WDR35: variants seen among roughly 807,000 people sequenced by gnomAD.
WDR35 encodes the protein WD repeat-containing protein 35.
In WDR35, 118 loss-of-function variants were observed where a neutral mutation model predicts 158.3. The ratio of observed to expected loss-of-function variants is 0.75; its 90% confidence interval spans 0.64 to 0.87. The LOEUF (loss-of-function observed/expected upper bound fraction) is 0.87, where lower values mean the gene tolerates loss of function less well. Ranked by LOEUF, WDR35 falls within the 40% of genes least tolerant of loss-of-function variation. The pLI is 0.00. For synonymous variants in WDR35, 448 were observed against 476.1 expected (o/e 0.94, Z 0.77); for missense variants, 1,263 against 1,405.8 (o/e 0.90, Z 1.62).
chr2:19,990,005 T>C lies in WDR35; in HGVS notation c.11A>G (p.Tyr4Cys), dbSNP rs1282372280. 4.3e-6 allele frequency: 7 copies of C among 1,613,984 alleles called. No individual in the cohort carries two copies. The highest frequency in any genetic ancestry group is 3.3e-5 in the Admixed American group (2 of 60,000). The change falls in exon 1 of 27, where the codon TAC (tyrosine) becomes TGC (cysteine). Residue 4 changes from tyrosine (Y) to cysteine (C), a missense_variant. Tyr to Cys is a radical substitution (Grantham distance 194). Transcript: ENST00000281405. MFF[Y>C]LSKKISIPNN... ...CAGGAAACTCACTTTCTTGCTCAGG[T>C]AGAAGAACATCGTGGGATCCCCGAG...
At chr2:19,972,213 C>A (rs570400964) in intron 8 of WDR35, among the ~76,000 whole-genome samples, 3 of 152,306 alleles carry the variant, frequency 2.0e-5, no homozygotes, top group Non-Finnish European at 2.9e-5. Context: ...AACACAGATC[C>A]AAATAATTCC....
At chr2:19,974,091 C>G (rs1014999303) in intron 7 of WDR35, among the ~76,000 whole-genome samples, 2 of 150,974 alleles carry the variant, frequency 1.3e-5, no homozygotes, top group African/African-American at 2.4e-5. Flanking sequence ...GAGCAAGACC[C>G]TGTCGCAAAA....
chr2:19,928,633 C>A (rs1036175383), intron 25 of WDR35, among the ~76,000 whole-genome samples: 3 of 151,846 alleles, frequency 2.0e-5, no homozygotes, highest in Non-Finnish European at 4.4e-5. Context: ...AAGCATGATT[C>A]CTAAGAGAAA....
In WDR35 at chr2:19,988,598, A is replaced by C. The variant is rs569857653; in HGVS notation, c.142+567T>G. 3.9e-5 allele frequency among the ~76,000 whole-genome samples: 6 copies of C among 152,316 alleles called. No individual in the cohort carries two copies. The South Asian group carries it at 1.2e-3, about 32-fold the overall frequency. ...TCAGTAGTCTTGTGGAAGAGCTGAG[A>C]TTTAACTCCAATTACCTTATCTAGG... On this transcript the variant is annotated intron_variant, in intron 2 of 26. Transcript: ENST00000281405.
At chr2:19,956,618 C>CTTTT (rs34318252) in intron 11 of WDR35, among the ~76,000 whole-genome samples, 1 of 129,408 alleles carries the variant, frequency 7.7e-6, no homozygotes, top group South Asian at 2.5e-4. Flanking sequence ...CTTAATAATA[C>CTTTT]TTTTTTTTTT....
chr2:19,980,088 A>T (rs1340844006), intron 4 of WDR35, among the ~76,000 whole-genome samples: 1 of 152,202 alleles, frequency 6.6e-6, no homozygotes, highest in African/African-American at 2.4e-5. Flanking sequence ...CTGTATCCAT[A>T]AAAGAAAAGG....
chr2:19,957,950 A>G (rs1254153533), intron 11 of WDR35, among the ~76,000 whole-genome samples: 1 of 152,256 alleles, frequency 6.6e-6, no homozygotes, highest in African/African-American at 2.4e-5. Context: ...ATGTAAAATA[A>G]TTTAAAACAA....
Position 19,951,493 on chromosome 2 carries a change from AAGATC to A in WDR35, c.1401-14_1401-10del. On this transcript the variant is annotated splice_polypyrimidine_tract_variant and intron_variant, in intron 12 of 26. Coordinates refer to ENST00000281405, the MANE Select transcript of WDR35 (RefSeq NM_020779.4). Reference sequence around the variant, plus strand: ...CATCAACATGATAAATTCTGCAAAAAAGATCAGAATTTCAAAGAAAGTTTAAGTAT... The same window carrying A: ...CATCAACATGATAAATTCTGCAAAAAAGAATTTCAAAGAAAGTTTAAGTAT... 1.2e-6 allele frequency: 2 copies of A among 1,606,490 alleles called. No individual in the cohort carries two copies. The highest frequency in any genetic ancestry group is 1.7e-6 in the Non-Finnish European group (2 of 1,174,806).
chr2:19,969,691 T>C (rs1671972445), intron 8 of WDR35, 86 bp from the exon 9 acceptor site: 3 of 1,387,438 alleles, frequency 2.2e-6, no homozygotes, highest in Admixed American at 1.9e-5. Flanking sequence ...AGATCAAAAG[T>C]GGTATGAACA....
At chr2:19,969,848 C>T (rs891278632) in intron 8 of WDR35, among the ~76,000 whole-genome samples, 18 of 151,572 alleles carry the variant, frequency 1.2e-4, no homozygotes, top group African/African-American at 3.9e-4. Flanking sequence ...CCCAGGTTCA[C>T]GCCATTCTCC....
intron 25 of WDR35, among the ~76,000 whole-genome samples, chr2:19,924,363 G>A (rs1160494122): frequency 1.3e-5 from 2 of 152,038 alleles, no homozygotes; most frequent in Non-Finnish European, 2.9e-5. Context: ...AGGAGATCGA[G>A]ACCATCCTGG....
At chr2:19,922,148 G>A (rs984830369) in intron 25 of WDR35, among the ~76,000 whole-genome samples, 2 of 152,226 alleles carry the variant, frequency 1.3e-5, no homozygotes, top group Admixed American at 6.5e-5. Flanking sequence ...AACCATTGTG[G>A]AAGACAGTGT....
intron 24 of WDR35, 22 bp downstream of exon 24, chr2:19,931,247 G>GTTATTTAAC: frequency 6.3e-7 from 1 of 1,596,290 alleles, no homozygotes. Context: ...ATGATGTAAT[G>GTTATTTAAC]TTATTTAACG....
At chr2:19,969,322 T>C (rs551009237) in intron 9 of WDR35, among the ~76,000 whole-genome samples, 158 bp downstream of exon 9, 48 of 152,330 alleles carry the variant, frequency 3.2e-4, no homozygotes, top group South Asian at 2.3e-3. Context: ...TAACTATATA[T>C]AGTATTCTAG....
At chr2:19,974,944 G>C (rs1672158744) in intron 6 of WDR35, among the ~76,000 whole-genome samples, 4 of 152,114 alleles carry the variant, frequency 2.6e-5, no homozygotes. Context: ...CCAGTGAGTG[G>C]ATTTACTTAA....
chr2:19,930,691 A>G, intron 24 of WDR35, 139 bp from the exon 25 acceptor site: 1 of 1,252,594 alleles, frequency 8.0e-7, no homozygotes, highest in Non-Finnish European at 1.1e-6. Flanking sequence ...TTTTTTTTTT[A>G]AGAGATGAGG....
intron 25 of WDR35, 53 bp from the exon 26 acceptor site, chr2:19,914,330 G>A: frequency 6.2e-7 from 1 of 1,605,862 alleles, no homozygotes; most frequent in Non-Finnish European, 8.5e-7. Context: ...ATGATATCAT[G>A]AACATGCAAA....
intron 17 of WDR35, among the ~76,000 whole-genome samples, chr2:19,939,948 G>C (rs149011167): frequency 4.4e-4 from 66 of 151,342 alleles, no homozygotes; most frequent in African/African-American, 1.5e-3. Flanking sequence ...ACCCACTTAT[G>C]ACTGTCTTTT....
intron 7 of WDR35, 46 bp from the exon 8 acceptor site, chr2:19,973,754 C>A (rs1672104122): frequency 1.3e-6 from 2 of 1,580,626 alleles, no homozygotes; most frequent in Non-Finnish European, 1.7e-6. Flanking sequence ...AAATACGTAG[C>A]CTAGAGAACT....
Sources: gnomAD v4.1 joint callset for allele counts (sites outside exome capture counted in the v4.1 genomes callset) on GRCh38, gnomAD v4.1.1 for gene constraint, MANE v1.5 for transcripts, NCBI Gene and HGNC (gene_info 2026-07-23, HGNC 2026-07-21) for gene names.